The following VDAC1 variants were observed in gnomAD, a reference collection of about 807,000 sequenced individuals.
VDAC1 encodes the protein non-selective voltage-gated ion channel VDAC1.
Under a neutral mutation model 34.7 loss-of-function variants are expected in VDAC1, and 10 were observed. That is an observed-to-expected ratio of 0.29 (90% confidence interval 0.18 to 0.49). VDAC1 has a LOEUF of 0.49. VDAC1 is among the 20% of genes least tolerant of loss of function. The pLI is 0.99. For missense variants in VDAC1, 230 were observed against 347.9 expected (o/e 0.66, Z 2.69); for synonymous variants, 130 against 136.0 (o/e 0.96, Z 0.30).
intron 8 of VDAC1, among the ~76,000 whole-genome samples, chr5:133,973,150 C>G (rs1382041870): frequency 6.6e-6 from 1 of 152,208 alleles, no homozygotes; most frequent in Non-Finnish European, 1.5e-5. Flanking sequence ...TAGTCTATAG[C>G]ACTGGTAGCA....
chr5:134,074,536 G>A, the VDAC1 span, among the ~76,000 whole-genome samples: 1 of 151,760 alleles, frequency 6.6e-6, no homozygotes, highest in African/African-American at 2.4e-5. Context: ...GGGGCTCACA[G>A]TGTAAGTCCA....
At chr5:134,108,494 C>T in the VDAC1 span, among the ~76,000 whole-genome samples, 2 of 152,162 alleles carry the variant, frequency 1.3e-5, no homozygotes, top group African/African-American at 4.8e-5. Context: ...CACCACATCC[C>T]GTTGCTCCTT....
the VDAC1 span, among the ~76,000 whole-genome samples, chr5:134,057,122 A>G: frequency 6.6e-6 from 1 of 152,008 alleles, no homozygotes; most frequent in East Asian, 1.9e-4. Flanking sequence ...ATCACCTGAC[A>G]TCAGGAGTTC....
intron 5 of VDAC1, among the ~76,000 whole-genome samples, chr5:133,984,813 G>A (rs1164048410): frequency 1.3e-5 from 2 of 152,148 alleles, no homozygotes; most frequent in Non-Finnish European, 2.9e-5. Context: ...GTGCACACCT[G>A]TAGTCCCAGA....
intron 5 of VDAC1, among the ~76,000 whole-genome samples, chr5:133,989,635 C>G (rs1753026969): frequency 1.3e-5 from 2 of 151,794 alleles, no homozygotes; most frequent in Non-Finnish European, 2.9e-5. Context: ...GCTGGGATCA[C>G]AGGCATGAGT....
the VDAC1 span, among the ~76,000 whole-genome samples, chr5:134,039,908 C>T: frequency 6.6e-6 from 1 of 152,198 alleles, no homozygotes; most frequent in Admixed American, 6.5e-5. Context: ...TTCCAGACTG[C>T]TCCTGCAGTC....
chr5:133,994,346 C>T (rs1753213912), intron 1 of VDAC1, among the ~76,000 whole-genome samples: 1 of 152,206 alleles, frequency 6.6e-6, no homozygotes, highest in Non-Finnish European at 1.5e-5. Context: ...AATTTTATCC[C>T]AGCTCACTTT....
chr5:134,078,962 A>AC, the VDAC1 span, among the ~76,000 whole-genome samples: 3 of 128,732 alleles, frequency 2.3e-5, no homozygotes, highest in Non-Finnish European at 4.9e-5. Context: ...ATTTTTTTTG[A>AC]CCCCCCTCCT....
the VDAC1 span, among the ~76,000 whole-genome samples, chr5:134,067,232 T>C: frequency 6.6e-6 from 1 of 151,748 alleles, no homozygotes; most frequent in Non-Finnish European, 1.5e-5. Context: ...TATGCCACCA[T>C]GCCTGGCTAA....
chr5:133,972,868 G>A lies in VDAC1; in HGVS notation c.761-6C>T. 3.1e-6 allele frequency: 5 copies of A among 1,610,368 alleles called. No individual in the cohort carries two copies. The highest frequency in any genetic ancestry group is 4.2e-6 in the Non-Finnish European group (5 of 1,178,028). On this transcript the variant is annotated splice_region_variant and splice_polypyrimidine_tract_variant and intron_variant, in intron 8 of 8. Coordinates refer to ENST00000265333, the MANE Select transcript of VDAC1 (RefSeq NM_003374.3). ...TGACAGTGTCAGTTTAATACCTGCA[G>A]GGAGAAAAATGAGGGAGAGGAAAGG...
chr5:134,067,680 G>A, the VDAC1 span, among the ~76,000 whole-genome samples: 1 of 140,856 alleles, frequency 7.1e-6, no homozygotes, highest in African/African-American at 2.6e-5. Context: ...GGCGAGGGAG[G>A]AGAGGGGGAG....
chr5:134,032,124 C>CAAAAATAAAAA, the VDAC1 span, among the ~76,000 whole-genome samples: 2 of 36,132 alleles, frequency 5.5e-5, 1 homozygote, highest in Non-Finnish European at 9.6e-5. Flanking sequence ...CTCTGCCTCA[C>CAAAAATAAAAA]AAAAAAAAAA....
upstream of VDAC1, among the ~76,000 whole-genome samples, chr5:134,006,531 C>G (rs187568562): frequency 6.6e-6 from 1 of 151,996 alleles, no homozygotes; most frequent in Non-Finnish European, 1.5e-5. Flanking sequence ...TCACTTGAGG[C>G]CAGGACTTCG....
chr5:133,973,936 A>G, intron 7 of VDAC1, 88 bp from the exon 8 acceptor site: 2 of 1,298,698 alleles, frequency 1.5e-6, no homozygotes, highest in African/African-American at 3.0e-5. Context: ...TAGTCAACCA[A>G]CCTTGGACTT....
intron 2 of VDAC1, 72 bp downstream of exon 2, chr5:133,992,874 G>C: frequency 6.7e-7 from 1 of 1,481,622 alleles, no homozygotes; most frequent in Non-Finnish European, 9.3e-7. Flanking sequence ...CTCCTAAACA[G>C]TTATCGGTAA....
the VDAC1 span, among the ~76,000 whole-genome samples, chr5:134,066,472 T>C: frequency 1.8e-4 from 27 of 152,282 alleles, no homozygotes; most frequent in African/African-American, 5.8e-4. Flanking sequence ...AATAGTCTAC[T>C]CCATTTACTT....
the VDAC1 span, among the ~76,000 whole-genome samples, chr5:134,109,899 A>C: frequency 1.3e-5 from 2 of 152,202 alleles, no homozygotes; most frequent in Non-Finnish European, 2.9e-5. Context: ...ACTAGGACAC[A>C]GGCTGGCACT....
At chr5:134,039,327 T>G in the VDAC1 span, among the ~76,000 whole-genome samples, 1 of 152,078 alleles carries the variant, frequency 6.6e-6, no homozygotes, top group Non-Finnish European at 1.5e-5. Flanking sequence ...GCGTGGTTTT[T>G]TATTTTTTTT....
upstream of VDAC1, among the ~76,000 whole-genome samples, chr5:134,008,963 C>G (rs1753793991): frequency 6.6e-6 from 1 of 152,138 alleles, no homozygotes; most frequent in Non-Finnish European, 1.5e-5. Flanking sequence ...TGCCCTGACA[C>G]TCAGCATCCA....
Sources: gnomAD v4.1 joint callset for allele counts (sites outside exome capture counted in the v4.1 genomes callset) on GRCh38, gnomAD v4.1.1 for gene constraint, MANE v1.5 for transcripts, NCBI Gene and HGNC (gene_info 2026-07-23, HGNC 2026-07-21) for gene names.